The following RBFOX1 variants were observed in gnomAD, a reference collection of about 807,000 sequenced individuals.
The protein encoded by RBFOX1 is RNA binding fox-1 homolog 1.
A neutral mutation model predicts 57.7 loss-of-function variants in RBFOX1; 8 were observed. The ratio of observed to expected loss-of-function variants is 0.14; its 90% CI spans 0.08 to 0.25. The LOEUF (loss-of-function observed/expected upper bound fraction) is 0.25, where lower values mean the gene tolerates loss of function less well. RBFOX1 is among the 10% of genes least tolerant of loss of function. The pLI is 1.00. For synonymous variants in RBFOX1, 326 were observed against 222.4 expected (o/e 1.47, Z -4.15); for missense variants, 611 against 548.5 (o/e 1.11, Z -1.14).
At chr16:5,832,322 G>A (rs968563459) in intron 3 of RBFOX1, among the ~76,000 whole-genome samples, 7 of 152,184 alleles carry the variant, frequency 4.6e-5, no homozygotes, top group Non-Finnish European at 8.8e-5. Flanking sequence ...ATGGACTAGG[G>A]AAGGGTGAAT....
At chr16:7,500,639 C>T (rs1026887242) in intron 4 of RBFOX1, among the ~76,000 whole-genome samples, 1 of 152,196 alleles carries the variant, frequency 6.6e-6, no homozygotes, top group African/African-American at 2.4e-5. Flanking sequence ...TTGGGCATTT[C>T]ACTGAGTTAC....
intron 10 of RBFOX1, among the ~76,000 whole-genome samples, chr16:7,628,947 T>C (rs568037582): frequency 1.3e-5 from 2 of 152,284 alleles, no homozygotes; most frequent in Admixed American, 6.5e-5. Context: ...GAAAGAACTA[T>C]TAGTTTAGCA....
At chr16:6,441,712 G>A (rs916701102) in intron 2 of RBFOX1, among the ~76,000 whole-genome samples, 2 of 152,084 alleles carry the variant, frequency 1.3e-5, no homozygotes, top group African/African-American at 4.8e-5. Flanking sequence ...GCCACCTCGT[G>A]CAGTCAGCTT....
downstream of RBFOX1, among the ~76,000 whole-genome samples, chr16:5,605,043 G>A (rs953681716): frequency 6.6e-6 from 1 of 152,172 alleles, no homozygotes; most frequent in Non-Finnish European, 1.5e-5. Context: ...CCACTCACCC[G>A]GCCTTCATTT....
intron 1 of RBFOX1, among the ~76,000 whole-genome samples, chr16:6,122,317 A>G (rs1190180876): frequency 6.6e-6 from 1 of 151,290 alleles, no homozygotes; most frequent in Non-Finnish European, 1.5e-5. Flanking sequence ...TAATTTGTGT[A>G]TTTCTGTTAT....
intron 1 of RBFOX1, among the ~76,000 whole-genome samples, chr16:6,039,521 T>C (rs1420327156): frequency 1.3e-5 from 2 of 152,090 alleles, no homozygotes; most frequent in Non-Finnish European, 2.9e-5. Flanking sequence ...AGGCAGGATT[T>C]TTTTCCCCTC....
chr16:5,414,916 G>A (rs1376467721), intron 1 of RBFOX1, among the ~76,000 whole-genome samples: 1 of 152,154 alleles, frequency 6.6e-6, no homozygotes, highest in African/African-American at 2.4e-5. Context: ...GGGTGCAGGG[G>A]TAATAGTCCA....
chr16:5,266,740 A>T (rs931490246), intron 1 of RBFOX1, among the ~76,000 whole-genome samples: 47 of 151,334 alleles, frequency 3.1e-4, no homozygotes, highest in African/African-American at 1.1e-3. Flanking sequence ...TATTTTTTGC[A>T]GAGAGGGGGG....
intron 3 of RBFOX1, among the ~76,000 whole-genome samples, chr16:6,830,144 T>G (rs925309884): frequency 2.6e-5 from 4 of 152,102 alleles, no homozygotes; most frequent in Non-Finnish European, 5.9e-5. Flanking sequence ...CTTGAATTCC[T>G]GACCTCAGGT....
At chr16:6,308,728 A>C (rs1055949862) in intron 1 of RBFOX1, among the ~76,000 whole-genome samples, 1 of 152,242 alleles carries the variant, frequency 6.6e-6, no homozygotes, top group Admixed American at 6.5e-5. Flanking sequence ...TGCGAAAAGC[A>C]GGCTATTCGA....
At chr16:5,802,438 C>G (rs2055088937) in intron 3 of RBFOX1, among the ~76,000 whole-genome samples, 1 of 152,122 alleles carries the variant, frequency 6.6e-6, no homozygotes. Flanking sequence ...CCCTTGTATT[C>G]TGAGATCTAC....
chr16:5,754,100 G>A (rs2053312188), intron 3 of RBFOX1, among the ~76,000 whole-genome samples: 1 of 152,056 alleles, frequency 6.6e-6, no homozygotes, highest in East Asian at 1.9e-4. Context: ...GAATATTAGG[G>A]GCTTTTGAGG....
intron 3 of RBFOX1, among the ~76,000 whole-genome samples, chr16:7,021,559 ATATAT>A (rs543249293): frequency 0.018 from 2,559 of 145,578 alleles, 69 homozygotes; most frequent in African/African-American, 0.058. Context: ...TATTTATAAA[ATATAT>A]TATATTTTAT....
intron 2 of RBFOX1, among the ~76,000 whole-genome samples, chr16:5,525,726 G>C (rs1006590042): frequency 2.0e-5 from 3 of 151,946 alleles, no homozygotes; most frequent in Non-Finnish European, 4.4e-5. Context: ...TTGAACTCCT[G>C]ACCTCAGGTG....
intron 3 of RBFOX1, among the ~76,000 whole-genome samples, chr16:6,867,304 G>C (rs904174034): frequency 2.0e-5 from 3 of 151,964 alleles, no homozygotes; most frequent in African/African-American, 7.3e-5. Context: ...CCATATTCTG[G>C]ATCATTATTG....
chr16:6,521,946 G>A (rs936535207), intron 2 of RBFOX1, among the ~76,000 whole-genome samples: 1 of 152,062 alleles, frequency 6.6e-6, no homozygotes, highest in African/African-American at 2.4e-5. Flanking sequence ...TCTTTTGCAG[G>A]GCTCAGGAAT....
At chr16:7,085,299 C>T (rs572235964) in intron 4 of RBFOX1, among the ~76,000 whole-genome samples, 5 of 152,164 alleles carry the variant, frequency 3.3e-5, no homozygotes, top group East Asian at 1.9e-4. Flanking sequence ...CACTCAGCAC[C>T]GGCTCATGGT....
At chr16:5,646,534 A>G (rs73529743) in intron 3 of RBFOX1, among the ~76,000 whole-genome samples, 7,733 of 152,218 alleles carry the variant, frequency 0.051, 646 homozygotes, top group African/African-American at 0.17. Flanking sequence ...GATGTGCAGG[A>G]GGAGAATGCA....
chr16:6,828,943 C>T lies in RBFOX1; in HGVS notation c.-16+174293C>T, dbSNP rs143004866. On this transcript the variant is annotated intron_variant, in intron 3 of 15. Coordinates refer to ENST00000550418, the MANE Select transcript of RBFOX1 (RefSeq NM_018723.4). ...CATGGTGCTCTCTTGAGTCCGCCTA[C>T]ACTCCCCCTTTCTTGAGTGTGTACT... Among the ~76,000 whole-genome samples the T allele has an allele frequency of 3.9e-5, 6 of 152,194 alleles. No individual in the cohort carries two copies. In the East Asian group the frequency reaches 1.2e-3, roughly 30 times the overall value.
Sources: allele counts gnomAD v4.1 joint callset (sites outside exome capture counted in the v4.1 genomes callset), GRCh38; gene constraint gnomAD v4.1.1; transcripts MANE v1.5; gene names NCBI Gene and HGNC (gene_info 2026-07-23, HGNC 2026-07-21).